The following CTNND2 variants were observed in gnomAD, a reference collection of about 807,000 sequenced individuals.
CTNND2 encodes the protein catenin delta 2, also known as catenin delta-2.
A neutral mutation model predicts 144.4 loss-of-function variants in CTNND2; 22 were observed. The observed-to-expected ratio is 0.15, with a 90% CI of 0.11 to 0.22. CTNND2 has a LOEUF of 0.22. Ranked by LOEUF, CTNND2 falls within the 10% of genes least tolerant of loss-of-function variation. The pLI, the probability that CTNND2 is intolerant of heterozygous loss-of-function variation, is 1.00. For synonymous variants in CTNND2, 751 were observed against 695.6 expected, an observed-to-expected ratio of 1.08 and a Z score of -1.25; for missense variants, 1,353 against 1,618.8, an observed-to-expected ratio of 0.84 and a Z score of 2.82.
At chr5:11,042,419 C>T (rs535117622) in intron 16 of CTNND2, among the ~76,000 whole-genome samples, 2 of 152,210 alleles carry the variant, frequency 1.3e-5, no homozygotes, top group Admixed American at 6.5e-5. Flanking sequence ...CAGAGGACTT[C>T]GTAAACTAGA....
At chr5:11,535,877 T>C (rs1774170274) in intron 3 of CTNND2, among the ~76,000 whole-genome samples, 1 of 152,212 alleles carries the variant, frequency 6.6e-6, no homozygotes, top group African/African-American at 2.4e-5. Flanking sequence ...AATGCTTGAC[T>C]TTCCATTTTT....
chr5:11,431,832 C>T (rs192688235), intron 3 of CTNND2, among the ~76,000 whole-genome samples: 68 of 152,108 alleles, frequency 4.5e-4, no homozygotes, highest in Admixed American at 3.9e-3. Flanking sequence ...GTTGTTAAAG[C>T]GGCTAAGGTT....
At chr5:11,790,281 A>G (rs1013444657) in intron 1 of CTNND2, among the ~76,000 whole-genome samples, 5 of 152,034 alleles carry the variant, frequency 3.3e-5, no homozygotes, top group African/African-American at 1.2e-4. Context: ...ATTATCCCCT[A>G]CTCCAGAAGA....
At chr5:11,270,867 C>A (rs959320174) in intron 9 of CTNND2, among the ~76,000 whole-genome samples, 1 of 152,102 alleles carries the variant, frequency 6.6e-6, no homozygotes, top group African/African-American at 2.4e-5. Flanking sequence ...GTGAATGCCA[C>A]GTGGAACCAA....
At chr5:11,742,231 T>G (rs1411940897) in intron 1 of CTNND2, among the ~76,000 whole-genome samples, 2 of 152,282 alleles carry the variant, frequency 1.3e-5, no homozygotes, top group Non-Finnish European at 2.9e-5. Flanking sequence ...TTCTAAACAT[T>G]GCTTGTCAAA....
At chr5:11,285,825 A>T (rs1747663806) in intron 9 of CTNND2, among the ~76,000 whole-genome samples, 1 of 69,098 alleles carries the variant, frequency 1.4e-5, no homozygotes, top group Non-Finnish European at 3.5e-5. Flanking sequence ...GTTAAAAGCC[A>T]GGGGGTTTAT....
chr5:11,499,831 C>A (rs1466871616), intron 3 of CTNND2, among the ~76,000 whole-genome samples: 1 of 152,048 alleles, frequency 6.6e-6, no homozygotes, highest in Non-Finnish European at 1.5e-5. Context: ...TTCCTAAATT[C>A]TCTTTTTATT....
chr5:11,426,858 T>C (rs561665541), intron 3 of CTNND2, among the ~76,000 whole-genome samples: 3 of 152,322 alleles, frequency 2.0e-5, no homozygotes, highest in South Asian at 4.1e-4. Flanking sequence ...GGGCAATTCA[T>C]GGTTCCATTT....
At chr5:11,155,350 A>G (rs1281755850) in intron 12 of CTNND2, among the ~76,000 whole-genome samples, 3 of 152,256 alleles carry the variant, frequency 2.0e-5, no homozygotes, top group Non-Finnish European at 4.4e-5. Context: ...ATCATAAAAC[A>G]AAACAGAGAA....
In CTNND2 at chr5:11,572,854, T is replaced by C. The variant is rs1005483192; in HGVS notation, c.175-7798A>G. Among the ~76,000 whole-genome samples, 5 of 152,296 alleles carry C rather than the reference T, an allele frequency of 3.3e-5. No homozygotes were observed. In the East Asian group the frequency reaches 9.6e-4, roughly 29 times the overall value. ...TTCTGTATTTCTTCTGCAGCTAAGA[T>C]TGAATGGTTTTATGGAGTCTGACTT... On this transcript the variant is annotated intron_variant, in intron 2 of 21. Transcript: ENST00000304623.
At chr5:11,473,177 C>T (rs924726912) in intron 3 of CTNND2, among the ~76,000 whole-genome samples, 4 of 152,190 alleles carry the variant, frequency 2.6e-5, no homozygotes, top group African/African-American at 9.6e-5. Flanking sequence ...ATTCATTTTA[C>T]AGCCAGAAGC....
At chr5:11,100,977 A>G (rs1039364623) in intron 14 of CTNND2, among the ~76,000 whole-genome samples, 55 of 152,188 alleles carry the variant, frequency 3.6e-4, no homozygotes, top group African/African-American at 1.3e-3. Context: ...CATGTCATCT[A>G]TGTAGCTCTC....
chr5:11,686,463 T>C (rs1033480575), intron 2 of CTNND2, among the ~76,000 whole-genome samples: 1 of 152,136 alleles, frequency 6.6e-6, no homozygotes, highest in African/African-American at 2.4e-5. Context: ...TGCTATTCAA[T>C]TGTATAATAA....
At chr5:11,404,582 T>TATCTGTCA (rs1390701532) in intron 5 of CTNND2, among the ~76,000 whole-genome samples, 2 of 149,500 alleles carry the variant, frequency 1.3e-5, no homozygotes, top group Non-Finnish European at 3.0e-5. Flanking sequence ...GTTTGATCAG[T>TATCTGTCA]ATCTGTCAGT....
intron 1 of CTNND2, among the ~76,000 whole-genome samples, chr5:11,815,829 G>A (rs570967570): frequency 1.3e-5 from 2 of 152,146 alleles, no homozygotes; most frequent in Non-Finnish European, 2.9e-5. Context: ...GGGGGATTCA[G>A]ACACCCCCAA....
intron 16 of CTNND2, among the ~76,000 whole-genome samples, chr5:11,077,025 CT>C (rs572118633): frequency 6.6e-6 from 1 of 152,074 alleles, no homozygotes; most frequent in Non-Finnish European, 1.5e-5. Context: ...GAAAACCCCC[CT>C]TTTTTAAGTT....
chr5:11,732,725 C>A (rs917071140), intron 1 of CTNND2, among the ~76,000 whole-genome samples: 1 of 152,062 alleles, frequency 6.6e-6, no homozygotes, highest in African/African-American at 2.4e-5. Context: ...CCATAACCCC[C>A]GTTATAGTCT....
At chr5:11,452,442 T>G (rs1765385832) in intron 3 of CTNND2, among the ~76,000 whole-genome samples, 1 of 152,158 alleles carries the variant, frequency 6.6e-6, no homozygotes, top group Non-Finnish European at 1.5e-5. Flanking sequence ...CTGGAAACAC[T>G]GATGTCCAGA....
At chr5:11,780,767 G>T (rs1296527311) in intron 1 of CTNND2, among the ~76,000 whole-genome samples, 2 of 152,172 alleles carry the variant, frequency 1.3e-5, no homozygotes, top group African/African-American at 4.8e-5. Flanking sequence ...ACACAAAGCT[G>T]AAGCTGAAGT....
Sources: gnomAD v4.1 joint callset for allele counts (sites outside exome capture counted in the v4.1 genomes callset) on GRCh38, gnomAD v4.1.1 for gene constraint, MANE v1.5 for transcripts, NCBI Gene and HGNC (gene_info 2026-07-23, HGNC 2026-07-21) for gene names.